KANSL3: variants seen among roughly 807,000 people sequenced by gnomAD.
The protein encoded by KANSL3 is NSL complex protein NSL3.
KANSL3 carries 16 observed loss-of-function variants against 89.2 expected under a neutral mutation model. The ratio of observed to expected loss-of-function variants is 0.18; its 90% confidence interval spans 0.12 to 0.27. The LOEUF (loss-of-function observed/expected upper bound fraction) is 0.27. Ranked by LOEUF, KANSL3 falls within the 10% of genes least tolerant of loss-of-function variation. The pLI is 1.00. For synonymous variants in KANSL3, 385 were observed against 419.7 expected, an observed-to-expected ratio of 0.92 and a Z score of 1.01; for missense variants, 879 against 1,110.6, an observed-to-expected ratio of 0.79 and a Z score of 2.96.
intron 20 of KANSL3, 148 bp from the exon 21 acceptor site, chr2:96,595,779 A>T: frequency 1.1e-6 from 1 of 915,792 alleles, no homozygotes; most frequent in Non-Finnish European, 1.6e-6. Context: ...ACAAGGACAC[A>T]TGTTCTAGCT....
At chr2:96,609,679 G>T in intron 11 of KANSL3, 117 bp from the exon 12 acceptor site, 1 of 965,160 alleles carries the variant, frequency 1.0e-6, no homozygotes, top group Non-Finnish European at 1.7e-6. Flanking sequence ...GGAGGGCCAT[G>T]TTAGCCTTAG....
chr2:96,628,292 A>T, intron 3 of KANSL3: 1 of 980,774 alleles, frequency 1.0e-6, no homozygotes, highest in Non-Finnish European at 1.2e-6. Context: ...TCCTGCTGAG[A>T]ACAGACACTC....
At chr2:96,610,676 C>G (rs773702430) in intron 11 of KANSL3, 50 bp downstream of exon 11, 1 of 1,601,304 alleles carries the variant, frequency 6.2e-7, no homozygotes, top group Non-Finnish European at 8.5e-7. Flanking sequence ...CCAGGCTTAT[C>G]TCTAACACTG....
chr2:96,612,660 A>C, intron 7 of KANSL3, 97 bp from the exon 8 acceptor site: 1 of 1,196,100 alleles, frequency 8.4e-7, no homozygotes, highest in Non-Finnish European at 1.2e-6. Context: ...GGAATTCCAC[A>C]TGAAAGAAGG....
chr2:96,583,245 A>G, the KANSL3 span, among the ~76,000 whole-genome samples: 1 of 151,942 alleles, frequency 6.6e-6, no homozygotes, highest in Non-Finnish European at 1.5e-5. Context: ...GAAGTTTTCT[A>G]TTTTTTTATT....
downstream of KANSL3, among the ~76,000 whole-genome samples, chr2:96,589,219 T>A (rs147297228): frequency 6.6e-6 from 1 of 152,156 alleles, no homozygotes; most frequent in Non-Finnish European, 1.5e-5. Flanking sequence ...ACATTACCTA[T>A]AATTACATGT....
rs563136094 is a variant in KANSL3 at position 96,610,947 on chromosome 2, C to G, written c.1162-64G>C. On this transcript the variant is annotated intron_variant, in intron 10 of 20. Coordinates refer to ENST00000431828, the MANE Select transcript of KANSL3 (RefSeq NM_001115016.3). ...TTCACAAAGCACTGACCCAGAAACTCCACTAAGGAGGATCAGCCATGCAAC... is the reference window on the plus strand; with the variant it reads ...TTCACAAAGCACTGACCCAGAAACTGCACTAAGGAGGATCAGCCATGCAAC... 5.0e-6 allele frequency: 8 copies of G among 1,595,320 alleles called. No individual in the cohort carries two copies. The East Asian group carries it at 1.8e-4, about 36-fold the overall frequency.
Position 96,627,912 on chromosome 2 carries a change from A to G in KANSL3, c.386+3400T>C, listed in dbSNP as rs764310688. On this transcript the variant is annotated intron_variant, in intron 3 of 20. Coordinates refer to ENST00000431828, the MANE Select transcript of KANSL3 (RefSeq NM_001115016.3). ...AATAATAAAATCGGCTATGTACAAA[A>G]GTTACCTACCAAAAGAGATGGTGTG... is the stretch of plus-strand genomic sequence containing the variant. 5 of 1,289,766 alleles carry G rather than the reference A, an allele frequency of 3.9e-6. No individual in the cohort carries two copies. The South Asian group carries it at 6.2e-5, about 16-fold the overall frequency. The allele number at this position is 1,289,766 out of a possible 1,614,324, so 79.9% of individuals were successfully genotyped here.
chr2:96,636,782 C>G, intron 2 of KANSL3, 139 bp downstream of exon 2: 1 of 699,972 alleles, frequency 1.4e-6, no homozygotes, highest in Non-Finnish European at 2.3e-6. Flanking sequence ...TATCCTTATG[C>G]TGCTTAAGAG....
rs192890323 is a variant in KANSL3, at chr2:96,612,128, G to A, written c.1086+154C>T. ...AGTTTTCCAAAATAAATTAAAAATT[G>A]TTTTAATAAAATTTGTCTTCTACAG... On this transcript the variant is annotated intron_variant, in intron 9 of 20. Coordinates refer to ENST00000431828, the MANE Select transcript of KANSL3 (RefSeq NM_001115016.3). 171 of 623,508 alleles carry A rather than the reference G, an allele frequency of 2.7e-4. 5 individuals carry two copies. In the Admixed American group the frequency reaches 4.7e-3, roughly 17 times the overall value. 38.6% of individuals were successfully genotyped at this position (623,508 alleles called of 1,614,324 possible).
chr2:96,584,096 T>C, the KANSL3 span, among the ~76,000 whole-genome samples: 1 of 152,250 alleles, frequency 6.6e-6, no homozygotes, highest in Non-Finnish European at 1.5e-5. Flanking sequence ...ATTCTGGTTA[T>C]ATGTGTGTCC....
At chr2:96,586,624 GA>G in the KANSL3 span, among the ~76,000 whole-genome samples, 1 of 152,034 alleles carries the variant, frequency 6.6e-6, no homozygotes, top group African/African-American at 2.4e-5. Context: ...TTTAAAAATT[GA>G]AAAAGAAAAT....
downstream of KANSL3, among the ~76,000 whole-genome samples, chr2:96,592,958 G>T (rs1355335019): frequency 6.6e-6 from 1 of 151,780 alleles, no homozygotes; most frequent in African/African-American, 2.4e-5. Context: ...AGCCAAGATC[G>T]CGCCATTGCA....
chr2:96,614,060 T>C (rs2069497180), intron 5 of KANSL3, among the ~76,000 whole-genome samples: 1 of 152,184 alleles, frequency 6.6e-6, no homozygotes, highest in Non-Finnish European at 1.5e-5. Flanking sequence ...TCTACCTAAT[T>C]GGATATTAAA....
downstream of KANSL3, among the ~76,000 whole-genome samples, chr2:96,588,672 C>T (rs1327362112): frequency 1.3e-5 from 2 of 151,998 alleles, no homozygotes; most frequent in African/African-American, 2.4e-5. Flanking sequence ...CTCACTGCAA[C>T]CTCCGCCTCC....
chr2:96,609,492 T>G lies in KANSL3; in HGVS notation c.1383+7A>C. The G allele has an allele frequency of 6.2e-7, 1 of 1,613,298 alleles. No homozygotes were observed. The highest frequency in any genetic ancestry group is 8.5e-7 in the Non-Finnish European group (1 of 1,179,248). ...AGCTGAGAAAAGCACACAAAACAAC[T>G]GTTTACCTGAATACATCTGTCCACC... On this transcript the variant is annotated splice_region_variant and intron_variant, in intron 12 of 20. Transcript: ENST00000431828.
At chr2:96,615,511 G>T (rs929839332) in intron 5 of KANSL3, 2 of 1,287,276 alleles carry the variant, frequency 1.6e-6, no homozygotes, top group Non-Finnish European at 2.0e-6. Context: ...AAATATCTGC[G>T]AATTCCATGC....
the KANSL3 span, among the ~76,000 whole-genome samples, chr2:96,587,867 A>G: frequency 6.6e-6 from 1 of 152,216 alleles, no homozygotes; most frequent in Non-Finnish European, 1.5e-5. Flanking sequence ...AATAACCTAA[A>G]TGAAAAAAAT....
chr2:96,627,818 C>G, intron 3 of KANSL3: 1 of 922,366 alleles, frequency 1.1e-6, no homozygotes, highest in Non-Finnish European at 1.5e-6. Context: ...AAGCTCCAAA[C>G]AGGCTACAGA....
Sources: allele counts gnomAD v4.1 joint callset (sites outside exome capture counted in the v4.1 genomes callset), GRCh38; gene constraint gnomAD v4.1.1; transcripts MANE v1.5; gene names NCBI Gene and HGNC (gene_info 2026-07-23, HGNC 2026-07-21).